CDH13: variants seen among roughly 807,000 people sequenced by gnomAD.
CDH13 encodes cadherin 13.
In CDH13, 24 loss-of-function variants were observed where a neutral mutation model predicts 63.8. That is an observed-to-expected ratio of 0.38 (90% CI 0.27 to 0.53). The LOEUF (loss-of-function observed/expected upper bound fraction) is 0.53, where lower values mean the gene tolerates loss of function less well. Among genes scored for constraint, CDH13 ranks in the 20% least tolerant of loss-of-function variants. The pLI is 0.85. For synonymous variants in CDH13, 503 were observed against 355.3 expected, an observed-to-expected ratio of 1.42 and a Z score of -4.67; for missense variants, 1,049 against 903.1, an observed-to-expected ratio of 1.16 and a Z score of -2.07.
chr16:83,698,831 C>G (rs1394106188), intron 10 of CDH13, among the ~76,000 whole-genome samples: 3 of 152,228 alleles, frequency 2.0e-5, no homozygotes, highest in Non-Finnish European at 4.4e-5. Flanking sequence ...CAATCTGTGT[C>G]TCAGCTACTC....
chr16:83,045,634 T>TAAAAAAAAAAAAAAAAAAAAAAAAAA (rs71382861), intron 3 of CDH13, among the ~76,000 whole-genome samples: 4 of 107,954 alleles, frequency 3.7e-5, no homozygotes, highest in African/African-American at 1.5e-4. Context: ...AAGATTCCTT[T>TAAAAAAAAAAAAAAAAAAAAAAAAAA]AAAAAAAAAA....
intron 2 of CDH13, among the ~76,000 whole-genome samples, chr16:82,937,695 A>AT (rs1321694290): frequency 6.6e-6 from 1 of 152,164 alleles, no homozygotes; most frequent in Non-Finnish European, 1.5e-5. Context: ...CAGGAACTTC[A>AT]TTTTTTCTAT....
At chr16:83,451,591 C>T (rs979482728) in intron 6 of CDH13, among the ~76,000 whole-genome samples, 2 of 152,198 alleles carry the variant, frequency 1.3e-5, no homozygotes, top group Admixed American at 6.5e-5. Flanking sequence ...TATCACAACT[C>T]ACTGCAGCCT....
At chr16:83,198,929 C>G (rs1440844896) in intron 4 of CDH13, among the ~76,000 whole-genome samples, 2 of 152,060 alleles carry the variant, frequency 1.3e-5, no homozygotes, top group African/African-American at 2.4e-5. Context: ...AAAAATATTC[C>G]TCTCTTGGGG....
intron 2 of CDH13, among the ~76,000 whole-genome samples, chr16:82,995,908 T>G (rs779011679): frequency 3.9e-5 from 6 of 152,216 alleles, no homozygotes; most frequent in Admixed American, 6.5e-5. Context: ...GTTTACATTT[T>G]ACACAGTGGC....
At chr16:83,465,697 C>G (rs1393419383) in intron 6 of CDH13, among the ~76,000 whole-genome samples, 1 of 152,196 alleles carries the variant, frequency 6.6e-6, no homozygotes, top group Non-Finnish European at 1.5e-5. Flanking sequence ...AATTGATGGT[C>G]TGTGCATGTC....
intron 1 of CDH13, among the ~76,000 whole-genome samples, chr16:82,700,534 TG>T: frequency 6.6e-6 from 1 of 152,022 alleles, no homozygotes; most frequent in African/African-American, 2.4e-5. Flanking sequence ...TGTGTGTGTG[TG>T]TGTGTGTGTG....
intron 1 of CDH13, among the ~76,000 whole-genome samples, chr16:82,816,588 G>T (rs1454979227): frequency 1.3e-5 from 2 of 152,030 alleles, no homozygotes; most frequent in African/African-American, 4.8e-5. Flanking sequence ...CCAGGCCAAG[G>T]TAATAGTTCC....
chr16:82,679,683 C>A (rs556466800), intron 1 of CDH13, among the ~76,000 whole-genome samples: 1 of 152,114 alleles, frequency 6.6e-6, no homozygotes, highest in Non-Finnish European at 1.5e-5. Flanking sequence ...GTTATGTATT[C>A]GTCGTCAGAT....
rs539649394 is a variant in CDH13 at position 82,828,849 on chromosome 16, G to A, written c.46-29513G>A. ...AGGAGGATATGTATAGATTATATGCGAATACTATGCCATTTTACATAGGGT... is the reference window on the plus strand; with the variant it reads ...AGGAGGATATGTATAGATTATATGCAAATACTATGCCATTTTACATAGGGT... On this transcript the variant is annotated intron_variant, in intron 1 of 13. Coordinates refer to ENST00000567109, the MANE Select transcript of CDH13 (RefSeq NM_001257.5). Among the ~76,000 whole-genome samples the A allele has an allele frequency of 1.4e-3, 211 of 152,108 alleles. 1 individual carries two copies. Among genetic ancestry groups the A allele is most frequent in the Admixed American group, 2.4e-3 (37 of 15,272 alleles).
At chr16:83,635,793 A>G (rs1388083395) in intron 8 of CDH13, among the ~76,000 whole-genome samples, 1 of 152,176 alleles carries the variant, frequency 6.6e-6, no homozygotes, top group Non-Finnish European at 1.5e-5. Context: ...TCACAGAACA[A>G]AAGTTTTTAA....
At chr16:82,837,597 A>G (rs780808802) in intron 1 of CDH13, among the ~76,000 whole-genome samples, 2 of 152,200 alleles carry the variant, frequency 1.3e-5, no homozygotes, top group African/African-American at 4.8e-5. Flanking sequence ...CAAGATTTCC[A>G]CAATCCCCTC....
At chr16:83,631,540 G>T (rs1357173433) in intron 8 of CDH13, among the ~76,000 whole-genome samples, 2 of 152,122 alleles carry the variant, frequency 1.3e-5, no homozygotes, top group Admixed American at 6.5e-5. Flanking sequence ...AAATGATGGA[G>T]TTCTTTCATT....
At chr16:83,209,773 A>C (rs1453577155) in intron 4 of CDH13, among the ~76,000 whole-genome samples, 1 of 151,964 alleles carries the variant, frequency 6.6e-6, no homozygotes, top group East Asian at 1.9e-4. Flanking sequence ...GCAGGCGAGG[A>C]GGGCTAGAGC....
At chr16:83,376,592 T>C (rs964028432) in intron 6 of CDH13, among the ~76,000 whole-genome samples, 1 of 152,060 alleles carries the variant, frequency 6.6e-6, no homozygotes, top group East Asian at 1.9e-4. Context: ...GAGAGGAACA[T>C]CTAACTCGGT....
chr16:82,739,761 A>G (rs1455522941), intron 1 of CDH13, among the ~76,000 whole-genome samples: 1 of 152,250 alleles, frequency 6.6e-6, no homozygotes, highest in Admixed American at 6.5e-5. Context: ...AGTTAAAAAA[A>G]ACTATTGGTT....
chr16:82,755,847 A>G (rs2034594056), intron 1 of CDH13, among the ~76,000 whole-genome samples: 1 of 152,180 alleles, frequency 6.6e-6, no homozygotes, highest in Admixed American at 6.5e-5. Context: ...TTAAATATTC[A>G]TCATGTCAAA....
chr16:83,041,137 C>T (rs528530142), intron 3 of CDH13, among the ~76,000 whole-genome samples: 39 of 152,274 alleles, frequency 2.6e-4, no homozygotes, highest in African/African-American at 8.7e-4. Flanking sequence ...AACTGGAAGT[C>T]AATACAAGTT....
At chr16:83,596,081 A>G (rs1403498596) in intron 7 of CDH13, among the ~76,000 whole-genome samples, 2 of 152,218 alleles carry the variant, frequency 1.3e-5, no homozygotes, top group African/African-American at 4.8e-5. Context: ...CTTGAACCAA[A>G]GAAACACAGA....
Sources: allele counts gnomAD v4.1 joint callset (sites outside exome capture counted in the v4.1 genomes callset), GRCh38; gene constraint gnomAD v4.1.1; transcripts MANE v1.5; gene names NCBI Gene and HGNC (gene_info 2026-07-23, HGNC 2026-07-21).